The following RPP40 variants were observed in gnomAD, a reference collection of about 807,000 sequenced individuals.
The protein encoded by RPP40 is ribonuclease P/MRP subunit p40.
In RPP40, 30 loss-of-function variants were observed where a neutral mutation model predicts 42.5. The ratio of observed to expected loss-of-function variants is 0.71; its 90% CI spans 0.53 to 0.96. RPP40 has a LOEUF of 0.96. Among genes scored for constraint, RPP40 ranks in the 40% least tolerant of loss-of-function variants. The pLI, the probability that RPP40 is intolerant of heterozygous loss-of-function variation, is 0.00. For synonymous variants in RPP40, 173 were observed against 164.0 expected, an observed-to-expected ratio of 1.05 and a Z score of -0.42; for missense variants, 426 against 433.5, an observed-to-expected ratio of 0.98 and a Z score of 0.15.
At chr6:5,001,168 G>A (rs749898485) in intron 2 of RPP40, 1 of 456,486 alleles carries the variant, frequency 2.2e-6, no homozygotes, top group Admixed American at 2.4e-5. Flanking sequence ...AGAGTTCCAG[G>A]TTAAGATTCA....
At chr6:5,000,668 G>GA in intron 2 of RPP40, 37 bp from the exon 3 acceptor site, 1 of 1,231,402 alleles carries the variant, frequency 8.1e-7, no homozygotes, top group Non-Finnish European at 1.2e-6. Flanking sequence ...TTTAAAACAA[G>GA]AAATTACACC....
At chr6:4,999,984 G>A (rs1581322841) in intron 3 of RPP40, 80 bp from the exon 4 acceptor site, 1 of 801,318 alleles carries the variant, frequency 1.2e-6, no homozygotes, top group Non-Finnish European at 2.1e-6. Flanking sequence ...AAGGCAAATT[G>A]AGCAGTTAGA....
At chr6:5,000,688 T>C in intron 2 of RPP40, 57 bp from the exon 3 acceptor site, 1 of 1,047,004 alleles carries the variant, frequency 9.6e-7, no homozygotes, top group Non-Finnish European at 1.5e-6. Context: ...CTGCAAGATG[T>C]TAGTGGATTA....
intron 5 of RPP40, 127 bp downstream of exon 5, chr6:4,998,589 T>C: frequency 1.6e-6 from 1 of 610,848 alleles, no homozygotes; most frequent in Non-Finnish European, 2.6e-6. Flanking sequence ...CTTAATAATA[T>C]TTTTATATAT....
Position 4,999,838 on chromosome 6 carries a change from TGA to T in RPP40, c.402_403del (p.Gln135ValfsTer14). ...TTTCATAATTTTTCTGCCAGAAAAC[TGA>T]GATGGATGACCCTGAAGTCCAGTTT... On this transcript the variant is annotated frameshift_variant, in exon 4 of 8. Coordinates refer to ENST00000380051, the MANE Select transcript of RPP40 (RefSeq NM_006638.4). LOFTEE classifies it high-confidence loss of function. 4.4e-6 allele frequency: 7 copies of T among 1,603,726 alleles called. No homozygotes were observed. The highest frequency in any genetic ancestry group is 6.0e-6 in the Non-Finnish European group (7 of 1,171,136).
chr6:5,002,011 T>C, intron 2 of RPP40, 90 bp downstream of exon 2: 1 of 1,194,368 alleles, frequency 8.4e-7, no homozygotes, highest in East Asian at 2.4e-5. Flanking sequence ...AGGCCCTGTT[T>C]GAAACAAAAC....
At chr6:5,003,852 C>A (rs752804886) in intron 1 of RPP40, 28 bp downstream of exon 1, 2 of 1,594,502 alleles carry the variant, frequency 1.3e-6, no homozygotes, top group South Asian at 2.2e-5. Flanking sequence ...TGAGCACGGC[C>A]CGAAAAGCCG....
At chr6:4,998,059 G>A (rs2764104) in intron 5 of RPP40, among the ~76,000 whole-genome samples, 3 of 152,146 alleles carry the variant, frequency 2.0e-5, no homozygotes, top group Admixed American at 6.5e-5. Context: ...ACCCAGTGAC[G>A]AGACACTTCC....
chr6:5,000,911 CA>C, intron 2 of RPP40, among the ~76,000 whole-genome samples: 1 of 151,086 alleles, frequency 6.6e-6, no homozygotes, highest in South Asian at 2.1e-4. Context: ...GAAGACCAAG[CA>C]TGCAGAAGAC....
rs1759446165 is a variant in RPP40 at position 4,998,410 on chromosome 6, A to AGG, written c.559+304_559+305dup. Among the ~76,000 whole-genome samples, 5 of 152,210 alleles carry AGG rather than the reference A, an allele frequency of 3.3e-5. No individual in the cohort carries two copies. In the South Asian group the frequency reaches 6.2e-4, roughly 19 times the overall value. On this transcript the variant is annotated intron_variant, in intron 5 of 7. Transcript: ENST00000380051. ...AAAATATTATAGTCAAGGCTGTTCAAGGTAAGCTGGAGAGAGGAAAGGGGA... is the reference window on the plus strand; with the variant it reads ...AAAATATTATAGTCAAGGCTGTTCAAGGGGTAAGCTGGAGAGAGGAAAGGGGA...
Position 4,995,239 on chromosome 6 carries a change from TA to T in RPP40, c.930del (p.Thr311HisfsTer32), listed in dbSNP as rs1759336658. On this transcript the variant is annotated frameshift_variant, in exon 8 of 8. Coordinates refer to ENST00000380051, the MANE Select transcript of RPP40 (RefSeq NM_006638.4). LOFTEE classifies it high-confidence loss of function. ...TCTGCAAAGCCTTGAACGGACAGTG[TA>T]ACCCATGGAGCTAACTTCGGTTCAT... ...YFDEPKLAPW[V>X]TLSVQGFADS... 1 of 1,613,998 alleles carries T rather than the reference TA, an allele frequency of 6.2e-7. No homozygotes were observed. The highest frequency in any genetic ancestry group is 1.1e-5 in the South Asian group (1 of 91,080).
rs1448617091 is a variant in RPP40, at chr6:4,998,738, A to C, written c.537T>G (p.Phe179Leu). 1.9e-6 allele frequency: 3 copies of C among 1,557,368 alleles called. No homozygotes were observed. The East Asian group carries it at 6.8e-5, about 35-fold the overall frequency. The change falls in exon 5 of 8, where the codon TTT becomes TTG. Residue 179 changes from phenylalanine (F) to leucine (L), a missense_variant. Coordinates refer to ENST00000380051, the MANE Select transcript of RPP40 (RefSeq NM_006638.4). ...TACCTGTTTTATGCCAAGCCAAAAGAAAATCAAATTTCAATGGCTTCTTTT... is the reference window on the plus strand; with the variant it reads ...TACCTGTTTTATGCCAAGCCAAAAGCAAATCAAATTTCAATGGCTTCTTTT... ...FKEKKPLKFD[F>L]LLAWHKTGSE...
intron 5 of RPP40, 100 bp from the exon 6 acceptor site, chr6:4,996,520 T>C (rs761711294): frequency 1.1e-4 from 116 of 1,050,372 alleles, no homozygotes; most frequent in Middle Eastern, 3.1e-4. Context: ...AGCGGTAAGA[T>C]TGAGTAAGAT....
Position 4,998,741 on chromosome 6 carries a change from ATCAAATT to A in RPP40, c.527_533del (p.Lys176IlefsTer16), listed in dbSNP as rs770278204. ...CTGTTTTATGCCAAGCCAAAAGAAA[ATCAAATT>A]TCAATGGCTTCTTTTCTTTGAAAGA... On this transcript the variant is annotated frameshift_variant, in exon 5 of 8. Transcript: ENST00000380051. LOFTEE classifies it high-confidence loss of function. 1 of 1,559,446 alleles carries A rather than the reference ATCAAATT, an allele frequency of 6.4e-7. No homozygotes were observed. Among genetic ancestry groups the A allele is most frequent in the Non-Finnish European group, 8.7e-7 (1 of 1,147,468 alleles).
At chr6:5,003,771 TCCGCG>T in intron 1 of RPP40, 104 bp downstream of exon 1, 1 of 1,394,974 alleles carries the variant, frequency 7.2e-7, no homozygotes, top group Non-Finnish European at 9.5e-7. Flanking sequence ...GCCCCGCCCC[TCCGCG>T]TACCGCCGGC....
At chr6:5,000,701 T>G in intron 2 of RPP40, 70 bp from the exon 3 acceptor site, 1 of 980,018 alleles carries the variant, frequency 1.0e-6, no homozygotes, top group South Asian at 1.3e-5. Flanking sequence ...GTGGATTATT[T>G]TTACAAGATA....
chr6:5,000,750 T>A, intron 2 of RPP40, 119 bp from the exon 3 acceptor site: 1 of 686,202 alleles, frequency 1.5e-6, no homozygotes, highest in Non-Finnish European at 2.6e-6. Flanking sequence ...TTTCTACCCC[T>A]GCTCCAGCTC....
At chr6:4,996,941 G>A (rs1011521551) in intron 5 of RPP40, among the ~76,000 whole-genome samples, 1 of 152,178 alleles carries the variant, frequency 6.6e-6, no homozygotes, top group East Asian at 1.9e-4. Flanking sequence ...CAAAGGGCAG[G>A]CTTGCTTACT....
At position 5,004,013 on chromosome 6, in the gene RPP40, G is replaced by T. The variant is rs746239465; in HGVS notation, c.-11C>A. On this transcript the variant is annotated 5_prime_UTR_variant, in exon 1 of 8. Transcript: ENST00000380051. ...GCGCAGCGTGGCCATGCTCTCCTGG[G>T]TTCCTGGTCCTCCCGGCCTCCGCTG... The T allele has an allele frequency of 1.1e-5, 18 of 1,591,900 alleles. No homozygotes were observed. Among genetic ancestry groups the T allele is most frequent in the Non-Finnish European group, 1.4e-5 (16 of 1,167,778 alleles).
Sources: gnomAD v4.1 joint callset for allele counts (sites outside exome capture counted in the v4.1 genomes callset) on GRCh38, gnomAD v4.1.1 for gene constraint, MANE v1.5 for transcripts, NCBI Gene and HGNC (gene_info 2026-07-23, HGNC 2026-07-21) for gene names.